ABCD3: variants seen among roughly 807,000 people sequenced by gnomAD.
The protein encoded by ABCD3 is ATP-binding cassette sub-family D member 3.
In ABCD3, 41 loss-of-function variants were observed where a neutral mutation model predicts 105.5. The observed-to-expected ratio is 0.39, with a 90% CI of 0.30 to 0.50. The LOEUF (loss-of-function observed/expected upper bound fraction) is 0.50. Ranked by LOEUF, ABCD3 falls within the 20% of genes least tolerant of loss-of-function variation. The pLI is 0.84. For synonymous variants in ABCD3, 258 were observed against 269.0 expected (o/e 0.96, Z 0.40); for missense variants, 622 against 806.3 (o/e 0.77, Z 2.77).
At chr1:94,409,701 T>A in the ABCD3 span, among the ~76,000 whole-genome samples, 2 of 152,210 alleles carry the variant, frequency 1.3e-5, no homozygotes, top group South Asian at 4.1e-4. Context: ...TTCTGACACA[T>A]CAGATTTTAG....
the ABCD3 span, among the ~76,000 whole-genome samples, chr1:94,404,213 G>T: frequency 6.6e-6 from 1 of 152,002 alleles, no homozygotes; most frequent in Non-Finnish European, 1.5e-5. Flanking sequence ...CAATACCTTT[G>T]CTCATTTGAT....
intron 4 of ABCD3, among the ~76,000 whole-genome samples, chr1:94,472,927 T>G (rs1648557933): frequency 6.6e-6 from 1 of 152,228 alleles, no homozygotes; most frequent in African/African-American, 2.4e-5. Context: ...CATATCTTAC[T>G]CAAAGATCCT....
intron 7 of ABCD3, among the ~76,000 whole-genome samples, chr1:94,477,227 CAAAAAAAAAAAAAAAAAAA>C (rs561060182): frequency 2.3e-5 from 1 of 44,294 alleles, no homozygotes; most frequent in African/African-American, 8.9e-5. Context: ...ACTTATAAGG[CAAAAAAAAAAAAAAAAAAA>C]AAAAAAAAAG....
chr1:94,483,303 C>A, intron 10 of ABCD3, 64 bp downstream of exon 10: 1 of 1,268,518 alleles, frequency 7.9e-7, no homozygotes, highest in Non-Finnish European at 1.2e-6. Context: ...GTTTGTTTTG[C>A]CTATGGCCGA....
intron 20 of ABCD3, among the ~76,000 whole-genome samples, chr1:94,501,265 G>GGA (rs1650082167): frequency 1.6e-5 from 1 of 61,938 alleles, no homozygotes; most frequent in African/African-American, 5.4e-5. Context: ...TGTCTCAAAA[G>GGA]AAAAAAAAAA....
At chr1:94,423,384 C>T (rs1340025001) in intron 1 of ABCD3, among the ~76,000 whole-genome samples, 1 of 152,188 alleles carries the variant, frequency 6.6e-6, no homozygotes, top group African/African-American at 2.4e-5. Context: ...CTTTTAAAAG[C>T]CCCCCTCTGT....
At chr1:94,445,144 T>G (rs1660299312) in intron 1 of ABCD3, among the ~76,000 whole-genome samples, 1 of 152,242 alleles carries the variant, frequency 6.6e-6, no homozygotes, top group Admixed American at 6.5e-5. Flanking sequence ...TTGCTATCAA[T>G]AAATATGTGG....
At chr1:94,474,721 AGT>A (rs1317207002) in intron 5 of ABCD3, among the ~76,000 whole-genome samples, 1 of 131,352 alleles carries the variant, frequency 7.6e-6, no homozygotes, top group East Asian at 2.0e-4. Flanking sequence ...TAAAACCTGT[AGT>A]GTTTTTTTTT....
chr1:94,460,213 T>A (rs1359940810), intron 2 of ABCD3, among the ~76,000 whole-genome samples: 1 of 152,190 alleles, frequency 6.6e-6, no homozygotes, highest in African/African-American at 2.4e-5. Context: ...GTCAGCTTAT[T>A]GGGTTTAACC....
At chr1:94,509,508 G>T (rs928364009) in intron 21 of ABCD3, among the ~76,000 whole-genome samples, 9 of 152,216 alleles carry the variant, frequency 5.9e-5, no homozygotes, top group Non-Finnish European at 1.2e-4. Flanking sequence ...CTCATGAAAT[G>T]AGTTAGGGAG....
chr1:94,509,535 A>G (rs371716557), intron 21 of ABCD3, among the ~76,000 whole-genome samples: 32 of 152,224 alleles, frequency 2.1e-4, no homozygotes, highest in South Asian at 1.9e-3. Flanking sequence ...CTCTTTTTCT[A>G]TTGACTGGAA....
intron 2 of ABCD3, among the ~76,000 whole-genome samples, chr1:94,462,173 T>C (rs149054188): frequency 0.012 from 1,794 of 152,338 alleles, 13 homozygotes; most frequent in Non-Finnish European, 0.018. Context: ...GTTAAACTTA[T>C]ATCACCACAG....
At chr1:94,415,934 A>G (rs1174456609), upstream of ABCD3, among the ~76,000 whole-genome samples, 3 of 152,158 alleles carry the variant, frequency 2.0e-5, no homozygotes, top group African/African-American at 7.2e-5. Context: ...AATGGGTTCC[A>G]GATTTGGTCC....
At chr1:94,492,293 A>G (rs1264224105) in intron 16 of ABCD3, among the ~76,000 whole-genome samples, 1 of 152,120 alleles carries the variant, frequency 6.6e-6, no homozygotes, top group African/African-American at 2.4e-5. Flanking sequence ...AGTTTATAAA[A>G]TAAAGAATAT....
At chr1:94,447,646 A>C (rs994432610) in intron 1 of ABCD3, among the ~76,000 whole-genome samples, 1 of 152,238 alleles carries the variant, frequency 6.6e-6, no homozygotes, top group African/African-American at 2.4e-5. Context: ...TATATGGACA[A>C]TATAATTTGT....
the ABCD3 span, among the ~76,000 whole-genome samples, chr1:94,398,133 A>G: frequency 2.0e-5 from 3 of 152,110 alleles, no homozygotes; most frequent in Admixed American, 2.0e-4. Flanking sequence ...TATCATTATT[A>G]ATTTTGTTTC....
chr1:94,470,980 TTAGAGG>T (rs1177500437), intron 4 of ABCD3, among the ~76,000 whole-genome samples: 3 of 152,142 alleles, frequency 2.0e-5, no homozygotes, highest in Non-Finnish European at 4.4e-5. Flanking sequence ...GTCATTCACA[TTAGAGG>T]CCTTCCTCAA....
chr1:94,438,710 C>T (rs1184514090), intron 1 of ABCD3, among the ~76,000 whole-genome samples: 3 of 152,132 alleles, frequency 2.0e-5, no homozygotes, highest in Non-Finnish European at 2.9e-5. Flanking sequence ...GGAGGCAAGA[C>T]CCTCAACCAG....
chr1:94,500,176 AAT>A (rs1363259561), intron 20 of ABCD3, among the ~76,000 whole-genome samples: 4 of 152,224 alleles, frequency 2.6e-5, no homozygotes, highest in African/African-American at 9.6e-5. Context: ...AAACTACTTT[AAT>A]TGTTATGATG....
Sources: gnomAD v4.1 joint callset for allele counts (sites outside exome capture counted in the v4.1 genomes callset) on GRCh38, gnomAD v4.1.1 for gene constraint, MANE v1.5 for transcripts, NCBI Gene and HGNC (gene_info 2026-07-23, HGNC 2026-07-21) for gene names.